The following NAA15 variants were observed in gnomAD, a reference collection of about 807,000 sequenced individuals.
The protein encoded by NAA15 is N-terminal acetyltransferase.
In NAA15, 34 loss-of-function variants were observed where a neutral mutation model predicts 114.0. The observed-to-expected ratio is 0.30, with a 90% CI of 0.23 to 0.40. The LOEUF is 0.40. Ranked by LOEUF, NAA15 falls within the 10% of genes least tolerant of loss-of-function variation. The pLI is 1.00. For missense variants in NAA15, 658 were observed against 1,004.5 expected (o/e 0.66, Z 4.66); for synonymous variants, 340 against 338.0 (o/e 1.01, Z -0.06).
chr4:139,360,842 T>G (rs1274646978), intron 13 of NAA15, among the ~76,000 whole-genome samples: 1 of 152,118 alleles, frequency 6.6e-6, no homozygotes, highest in Non-Finnish European at 1.5e-5. Context: ...TTTAAAAAAC[T>G]TTATGGAAAA....
intron 15 of NAA15, among the ~76,000 whole-genome samples, chr4:139,374,953 C>A (rs1212897318): frequency 6.6e-6 from 1 of 152,182 alleles, no homozygotes; most frequent in Non-Finnish European, 1.5e-5. Context: ...GCCCTATAGT[C>A]CTTGTTTCCC....
At chr4:139,315,056 T>G (rs200565871) in intron 1 of NAA15, among the ~76,000 whole-genome samples, 6,672 of 39,294 alleles carry the variant, frequency 0.17, 369 homozygotes, top group Admixed American at 0.23. Context: ...GTTAGGTTAG[T>G]TTAGTTTAGT....
intron 15 of NAA15, among the ~76,000 whole-genome samples, chr4:139,375,555 C>G (rs1257863047): frequency 6.6e-6 from 1 of 151,880 alleles, no homozygotes; most frequent in Non-Finnish European, 1.5e-5. Flanking sequence ...GCACGTTGAC[C>G]AGATGTGGCA....
intron 14 of NAA15, among the ~76,000 whole-genome samples, chr4:139,369,170 A>G (rs1002680663): frequency 3.3e-5 from 5 of 152,312 alleles, no homozygotes; most frequent in African/African-American, 9.6e-5. Flanking sequence ...TAAACAAACT[A>G]TTGTGTCAAG....
rs371063595 is a variant in NAA15, at chr4:139,344,268, G to A, written c.620G>A (p.Arg207Lys). 62 of 1,613,122 alleles carry A rather than the reference G, an allele frequency of 3.8e-5. No individual in the cohort carries two copies. Among genetic ancestry groups the A allele is most frequent in the Non-Finnish European group, 4.7e-5 (56 of 1,179,466 alleles). ...GTTCTTCGGGAAGCAGGTCTCTATA[G>A]AGAAGCTTTGGAACATCTTTGTACC... ...NQVLREAGLY[R>K]EALEHLCTYE... The change falls in exon 6 of 20, where the codon AGA (arginine) becomes AAA (lysine). Residue 207 changes from arginine (R) to lysine (K), a missense_variant. Transcript: ENST00000296543.
At chr4:139,373,567 G>A (rs532307725) in intron 15 of NAA15, among the ~76,000 whole-genome samples, 2 of 152,138 alleles carry the variant, frequency 1.3e-5, no homozygotes, top group Non-Finnish European at 1.5e-5. Flanking sequence ...TAAATCTCAG[G>A]TCTTGGCAGA....
At chr4:139,379,488 A>G (rs1454913906) in intron 17 of NAA15, among the ~76,000 whole-genome samples, 3 of 152,206 alleles carry the variant, frequency 2.0e-5, no homozygotes, top group African/African-American at 7.2e-5. Context: ...TAGTAACGCA[A>G]CAGTGACTAG....
At position 139,315,173 on chromosome 4, in the gene NAA15, T is replaced by C. The variant is rs571438850; in HGVS notation, c.54+13342T>C. On this transcript the variant is annotated intron_variant, in intron 1 of 19. Transcript: ENST00000296543. ...TGCCTCGGCCTAGGGAAGCTTTTGATAGAGGCTAATTCATTTTAAAGATTT... is the reference window on the plus strand; with the variant it reads ...TGCCTCGGCCTAGGGAAGCTTTTGACAGAGGCTAATTCATTTTAAAGATTT... Among the ~76,000 whole-genome samples, 66 of 151,834 alleles carry C rather than the reference T, an allele frequency of 4.3e-4. 2 individuals carry two copies. Among genetic ancestry groups the C allele is most frequent in the African/African-American group, 1.5e-3 (63 of 41,324 alleles).
chr4:139,344,146 T>TA (rs762349007), intron 5 of NAA15, 40 bp from the exon 6 acceptor site: 15 of 1,508,664 alleles, frequency 9.9e-6, no homozygotes, highest in Non-Finnish European at 1.3e-5. Flanking sequence ...GATATGAAAA[T>TA]AAAATTCTTA....
chr4:139,368,270 C>T (rs955617175), intron 14 of NAA15, among the ~76,000 whole-genome samples: 1 of 152,196 alleles, frequency 6.6e-6, no homozygotes, highest in Non-Finnish European at 1.5e-5. Flanking sequence ...CTCTGGGTCT[C>T]TCAGGCAGCT....
chr4:139,386,276 T>C (rs1748908165), intron 19 of NAA15, 46 bp downstream of exon 19: 1 of 1,078,566 alleles, frequency 9.3e-7, no homozygotes, highest in Non-Finnish European at 1.4e-6. Flanking sequence ...TTAACTACTT[T>C]TTTCACCAAG....
Position 139,301,732 on chromosome 4 carries a change from C to CT in NAA15, c.-45dup. 6.5e-7 allele frequency: 1 copy of CT among 1,537,014 alleles called. No individual in the cohort carries two copies. Among genetic ancestry groups the CT allele is most frequent in the South Asian group, 1.2e-5 (1 of 83,550 alleles). ...CAGCGGCGGCGGTCGGACAAACTGACTGACCGAGCCGGGTGGTGGCGGGAG... is the reference window on the plus strand; with the variant it reads ...CAGCGGCGGCGGTCGGACAAACTGACTTGACCGAGCCGGGTGGTGGCGGGAG... On this transcript the variant is annotated 5_prime_UTR_variant, in exon 1 of 20. Transcript: ENST00000296543.
intron 1 of NAA15, among the ~76,000 whole-genome samples, chr4:139,317,592 G>A (rs2110854777): frequency 6.6e-6 from 1 of 152,326 alleles, no homozygotes. Context: ...CTGCACTCCA[G>A]CCTGGGTGAC....
At chr4:139,341,595 A>G (rs1246758321) in intron 4 of NAA15, among the ~76,000 whole-genome samples, 2 of 144,588 alleles carry the variant, frequency 1.4e-5, no homozygotes, top group Non-Finnish European at 3.1e-5. Flanking sequence ...CTCTGTCTCA[A>G]AAAAAAAAAA....
At chr4:139,360,708 T>C in intron 13 of NAA15, 80 bp downstream of exon 13, 1 of 1,263,040 alleles carries the variant, frequency 7.9e-7, no homozygotes. Flanking sequence ...TTTTCTCTTC[T>C]ATTTCTTTAT....
At chr4:139,378,248 G>A (rs765743530) in intron 16 of NAA15, among the ~76,000 whole-genome samples, 5 of 152,182 alleles carry the variant, frequency 3.3e-5, no homozygotes, top group Non-Finnish European at 5.9e-5. Context: ...GGGAATGGGT[G>A]TGGGGATAGC....
intron 15 of NAA15, among the ~76,000 whole-genome samples, chr4:139,375,158 A>G (rs886667134): frequency 6.6e-6 from 1 of 152,212 alleles, no homozygotes. Flanking sequence ...CCTATATAGT[A>G]GAATATGGAG....
chr4:139,354,474 T>C (rs1560971325), intron 10 of NAA15, among the ~76,000 whole-genome samples: 1 of 152,074 alleles, frequency 6.6e-6, no homozygotes, highest in Admixed American at 6.5e-5. Flanking sequence ...AATTTTTAGA[T>C]TTTTTGTAGA....
intron 1 of NAA15, among the ~76,000 whole-genome samples, chr4:139,329,808 G>T (rs140953655): frequency 6.6e-6 from 1 of 152,264 alleles, no homozygotes; most frequent in Non-Finnish European, 1.5e-5. Context: ...TTCTCAGGGT[G>T]GTTTCATCTC....
Sources: gnomAD v4.1 joint callset for allele counts (sites outside exome capture counted in the v4.1 genomes callset) on GRCh38, gnomAD v4.1.1 for gene constraint, MANE v1.5 for transcripts, NCBI Gene and HGNC (gene_info 2026-07-23, HGNC 2026-07-21) for gene names.